The following ZCCHC7 variants were observed in gnomAD, a reference collection of about 807,000 sequenced individuals.
The protein encoded by ZCCHC7 is zinc finger CCHC domain-containing protein 7.
In ZCCHC7, 35 loss-of-function variants were observed where a neutral mutation model predicts 52.0. That is an observed-to-expected ratio of 0.67 (90% CI 0.51 to 0.89). The LOEUF (loss-of-function observed/expected upper bound fraction) is 0.89. Among genes scored for constraint, ZCCHC7 ranks in the 40% least tolerant of loss-of-function variants. ZCCHC7 has a pLI of 0.00. For synonymous variants in ZCCHC7, 217 were observed against 221.5 expected (o/e 0.98, Z 0.18); for missense variants, 574 against 649.1 (o/e 0.88, Z 1.26).
chr9:37,311,457 G>A (rs1249400010), intron 5 of ZCCHC7, among the ~76,000 whole-genome samples: 8 of 150,046 alleles, frequency 5.3e-5, no homozygotes, highest in Non-Finnish European at 1.2e-4. Context: ...TCACTCTGCC[G>A]CCCAGGGTGC....
At chr9:37,121,277 G>T (rs149503206) in intron 1 of ZCCHC7, among the ~76,000 whole-genome samples, 148 of 152,294 alleles carry the variant, frequency 9.7e-4, no homozygotes, top group African/African-American at 3.4e-3. Flanking sequence ...GGATTCGCTG[G>T]CGATTCCAGA....
intron 2 of ZCCHC7, among the ~76,000 whole-genome samples, chr9:37,297,242 A>G (rs1339749701): frequency 6.6e-6 from 1 of 152,186 alleles, no homozygotes; most frequent in East Asian, 1.9e-4. Flanking sequence ...ATGGTTATTT[A>G]TTTAACACAG....
At chr9:37,272,100 CATT>C (rs1827444970) in intron 2 of ZCCHC7, among the ~76,000 whole-genome samples, 1 of 152,094 alleles carries the variant, frequency 6.6e-6, no homozygotes. Context: ...CACACACAGA[CATT>C]ATACAGAGGG....
chr9:37,315,734 G>A (rs1046304511), intron 5 of ZCCHC7, among the ~76,000 whole-genome samples: 7 of 149,850 alleles, frequency 4.7e-5, no homozygotes, highest in Admixed American at 4.6e-4. Context: ...TAATGTAGCA[G>A]GAAAAAATTC....
intron 2 of ZCCHC7, among the ~76,000 whole-genome samples, chr9:37,252,791 A>G (rs1826392269): frequency 6.6e-6 from 1 of 152,146 alleles, no homozygotes; most frequent in African/African-American, 2.4e-5. Flanking sequence ...ACATAGTACC[A>G]TCCTGTAATA....
At chr9:37,149,002 G>A (rs1843565691) in intron 2 of ZCCHC7, among the ~76,000 whole-genome samples, 1 of 151,934 alleles carries the variant, frequency 6.6e-6, no homozygotes, top group South Asian at 2.1e-4. Flanking sequence ...TTAAATAGAG[G>A]GTAAAAGTTC....
intron 2 of ZCCHC7, among the ~76,000 whole-genome samples, chr9:37,239,360 T>C (rs922298768): frequency 6.6e-6 from 1 of 152,168 alleles, no homozygotes; most frequent in African/African-American, 2.4e-5. Context: ...ATTAGATTCT[T>C]ATTACAATGC....
At chr9:37,170,326 A>G (rs1381308689) in intron 2 of ZCCHC7, among the ~76,000 whole-genome samples, 2 of 152,184 alleles carry the variant, frequency 1.3e-5, no homozygotes, top group Non-Finnish European at 2.9e-5. Context: ...CTTAATTGAA[A>G]TTTTCCAAAG....
rs564492595 is a variant in ZCCHC7, at chr9:37,219,228, A to AT, written c.611-82954dup. On this transcript the variant is annotated intron_variant, in intron 2 of 8. Coordinates refer to ENST00000336755, the MANE Select transcript of ZCCHC7 (RefSeq NM_032226.3). ...CAGGCCACATCTGGCCCAATGCCCAATTTTTTGTAATGAATGTTTCTTTGG... is the reference window on the plus strand; with the variant it reads ...CAGGCCACATCTGGCCCAATGCCCAATTTTTTTGTAATGAATGTTTCTTTGG... Among the ~76,000 whole-genome samples the AT allele has an allele frequency of 3.6e-3, 545 of 152,306 alleles. 6 individuals are homozygous for AT. The highest frequency in any genetic ancestry group is 0.018 in the South Asian group (85 of 4,830).
chr9:37,182,580 G>A (rs999385066), intron 2 of ZCCHC7, among the ~76,000 whole-genome samples: 1 of 151,940 alleles, frequency 6.6e-6, no homozygotes, highest in Non-Finnish European at 1.5e-5. Context: ...TGGTGAGGCT[G>A]GTCTCAAACT....
chr9:37,231,181 A>G (rs1825385435), intron 2 of ZCCHC7, among the ~76,000 whole-genome samples: 1 of 152,092 alleles, frequency 6.6e-6, no homozygotes, highest in African/African-American at 2.4e-5. Context: ...CCTGACCTCA[A>G]GTGATCCACC....
At chr9:37,301,722 G>T (rs1588635947) in intron 2 of ZCCHC7, among the ~76,000 whole-genome samples, 1 of 152,196 alleles carries the variant, frequency 6.6e-6, no homozygotes, top group East Asian at 1.9e-4. Flanking sequence ...CCCAGTGTCA[G>T]TCATCTCCCT....
chr9:37,151,131 AT>A (rs923608989), intron 2 of ZCCHC7, among the ~76,000 whole-genome samples: 46 of 151,318 alleles, frequency 3.0e-4, no homozygotes, highest in Middle Eastern at 6.8e-3. Flanking sequence ...CGCCCGGCTA[AT>A]TTTTTTTGTA....
intron 2 of ZCCHC7, among the ~76,000 whole-genome samples, chr9:37,140,148 T>C (rs537948227): frequency 2.0e-5 from 3 of 152,000 alleles, no homozygotes; most frequent in Admixed American, 2.0e-4. Flanking sequence ...CTTAATCCTG[T>C]ACTAGCCAGT....
chr9:37,173,281 C>G (rs1564157447), intron 2 of ZCCHC7, among the ~76,000 whole-genome samples: 1 of 152,232 alleles, frequency 6.6e-6, no homozygotes, highest in East Asian at 1.9e-4. Flanking sequence ...TGAGTTCCTT[C>G]TCTTTCAACC....
At chr9:37,314,174 C>T (rs1440615288) in intron 5 of ZCCHC7, among the ~76,000 whole-genome samples, 1 of 152,154 alleles carries the variant, frequency 6.6e-6, no homozygotes, top group African/African-American at 2.4e-5. Context: ...AGATAATTCC[C>T]ATTCTGCAGA....
intron 6 of ZCCHC7, among the ~76,000 whole-genome samples, chr9:37,334,422 G>A (rs1049646351): frequency 1.3e-5 from 2 of 151,888 alleles, no homozygotes; most frequent in African/African-American, 2.4e-5. Context: ...ACCTTTAAGG[G>A]TTTGGATCGA....
intron 2 of ZCCHC7, among the ~76,000 whole-genome samples, chr9:37,127,986 C>A (rs10973224): frequency 0.14 from 20,802 of 152,072 alleles, 1,730 homozygotes; most frequent in Non-Finnish European, 0.17. Context: ...AACAGGTGGC[C>A]GGCTCAGGCT....
chr9:37,358,148 AATAC>A (rs1186251987), exon 9 of ZCCHC7: 1 of 152,228 alleles, frequency 6.6e-6, no homozygotes, highest in Admixed American at 6.5e-5. Flanking sequence ...TCTGAGAGTA[AATAC>A]ATGTGTTTAT....
Sources: gnomAD v4.1 joint callset for allele counts (sites outside exome capture counted in the v4.1 genomes callset) on GRCh38, gnomAD v4.1.1 for gene constraint, MANE v1.5 for transcripts, NCBI Gene and HGNC (gene_info 2026-07-23, HGNC 2026-07-21) for gene names.